Variants in RUVBL2 observed in about 807,000 individuals in gnomAD.
RUVBL2 encodes the protein ruvB-like 2.
RUVBL2 carries 9 observed loss-of-function variants against 57.9 expected under a neutral mutation model. The observed-to-expected ratio is 0.16, with a 90% CI of 0.09 to 0.27. RUVBL2 has a LOEUF of 0.27. Among genes scored for constraint, RUVBL2 ranks in the 10% least tolerant of loss-of-function variants. RUVBL2 has a pLI of 1.00. For missense variants in RUVBL2, 456 were observed against 669.6 expected (o/e 0.68, Z 3.52); for synonymous variants, 278 against 264.6 (o/e 1.05, Z -0.49).
chr19:48,997,822 G>A (rs1276053833), intron 1 of RUVBL2, among the ~76,000 whole-genome samples: 1 of 152,056 alleles, frequency 6.6e-6, no homozygotes, highest in East Asian at 1.9e-4. Flanking sequence ...GGACCTCTGG[G>A]GGGGTCCTGA....
rs896178481 is a variant in RUVBL2 at position 49,009,956 on chromosome 19, C to T, written c.570-17C>T. On this transcript the variant is annotated splice_polypyrimidine_tract_variant and intron_variant, in intron 7 of 14. Coordinates refer to ENST00000595090, the MANE Select transcript of RUVBL2 (RefSeq NM_006666.3). Reference sequence around the variant, plus strand: ...GGGCCCATTCCTTTCCTTACCCTACCCCCCATCCCCCTGTAGGGACGTGAT... The same window carrying T: ...GGGCCCATTCCTTTCCTTACCCTACTCCCCATCCCCCTGTAGGGACGTGAT... The T allele has an allele frequency of 6.2e-7, 1 of 1,607,522 alleles. No individual in the cohort carries two copies. The highest frequency in any genetic ancestry group is 8.5e-7 in the Non-Finnish European group (1 of 1,175,676).
intron 1 of RUVBL2, 97 bp from the exon 2 acceptor site, chr19:48,999,222 A>G: frequency 1.6e-6 from 2 of 1,284,022 alleles, no homozygotes; most frequent in Non-Finnish European, 2.3e-6. Flanking sequence ...CTGTGAGGGG[A>G]AGGAGTGGAA....
In RUVBL2 at chr19:49,011,329, C is replaced by T; in HGVS notation, c.1001+19C>T. On this transcript the variant is annotated intron_variant, in intron 11 of 14. Transcript: ENST00000595090. The surrounding 1 kb of genome is among the most constrained non-coding windows in gnomAD (Gnocchi z 4.4). ...TCACGCGGTGAGCCGGCTACAGGGG[C>T]CTCTGGGGAAAACAGGATGCTCTGG... 1 of 1,596,888 alleles carries T rather than the reference C, an allele frequency of 6.3e-7. No individual in the cohort carries two copies. Among genetic ancestry groups the T allele is most frequent in the Non-Finnish European group, 8.6e-7 (1 of 1,165,310 alleles).
chr19:49,002,569 G>T (rs2122599666), intron 2 of RUVBL2, among the ~76,000 whole-genome samples: 1 of 152,254 alleles, frequency 6.6e-6, no homozygotes, highest in Admixed American at 6.5e-5. Context: ...GGTGATAGCA[G>T]CCAGGGCTCT....
chr19:48,995,238 T>C (rs988173840), intron 1 of RUVBL2, among the ~76,000 whole-genome samples: 3 of 151,866 alleles, frequency 2.0e-5, no homozygotes, highest in Admixed American at 6.6e-5. Flanking sequence ...GAGAGACTTA[T>C]GATGAAAGAG....
chr19:49,010,432 C>T lies in RUVBL2; in HGVS notation c.664-56C>T, dbSNP rs564122390. On this transcript the variant is annotated intron_variant, in intron 8 of 14. Coordinates refer to ENST00000595090, the MANE Select transcript of RUVBL2 (RefSeq NM_006666.3). Reference sequence around the variant, plus strand: ...CCAGACAGAGGGCTTTAGGGGCCCCCTTCATGCCCTTCCCTGCCCTGTCTC... The same window carrying T: ...CCAGACAGAGGGCTTTAGGGGCCCCTTTCATGCCCTTCCCTGCCCTGTCTC... 3 of 1,600,368 alleles carry T rather than the reference C, an allele frequency of 1.9e-6. No homozygotes were observed. In the East Asian group the frequency reaches 6.7e-5, roughly 36 times the overall value.
chr19:48,996,760 C>G (rs1460316179), intron 1 of RUVBL2, among the ~76,000 whole-genome samples: 1 of 152,162 alleles, frequency 6.6e-6, no homozygotes, highest in Non-Finnish European at 1.5e-5. Context: ...CTCCTGACCT[C>G]AAGTGATCCA....
intron 6 of RUVBL2, among the ~76,000 whole-genome samples, chr19:49,008,672 C>G (rs997784038): frequency 5.2e-4 from 79 of 151,990 alleles, no homozygotes; most frequent in African/African-American, 1.8e-3. Flanking sequence ...TGGTGAAACC[C>G]TGTCTATACT....
chr19:48,994,756 A>G (rs1190386100), intron 1 of RUVBL2: 1 of 152,136 alleles, frequency 6.6e-6, no homozygotes, highest in African/African-American at 2.4e-5. Flanking sequence ...CCCCGTCTCT[A>G]TTAAAAATAC....
chr19:48,993,722 C>T (rs1442183313), upstream of RUVBL2: 12 of 693,634 alleles, frequency 1.7e-5, no homozygotes, highest in African/African-American at 2.0e-4. Context: ...CCAGGAGTTC[C>T]GGACGCCCGT....
rs75542068 is a variant in RUVBL2 at position 49,015,654 on chromosome 19, A to G, written c.1334A>G (p.Glu445Gly). The G allele has an allele frequency of 1.9e-6, 3 of 1,613,920 alleles. No homozygotes were observed. The highest frequency in any genetic ancestry group is 2.5e-6 in the Non-Finnish European group (3 of 1,179,836). Residue 445 changes from glutamate (E) to glycine (G), a missense_variant, in exon 14 of 15, where the codon GAG becomes GGG. By Grantham distance (98) the Glu-to-Gly change is moderately conservative. Coordinates refer to ENST00000595090, the MANE Select transcript of RUVBL2 (RefSeq NM_006666.3). ...TCCCGCTCCACGCAGTACATGAAGGAGTACCAGGACGCCTTCCTCTTCAAC... is the reference window on the plus strand; with the variant it reads ...TCCCGCTCCACGCAGTACATGAAGGGGTACCAGGACGCCTTCCTCTTCAAC... ...DESRSTQYMK[E>G]YQDAFLFNEL...
At chr19:49,005,565 G>A (rs1172757986) in intron 4 of RUVBL2, among the ~76,000 whole-genome samples, 1 of 152,152 alleles carries the variant, frequency 6.6e-6, no homozygotes, top group Non-Finnish European at 1.5e-5. Context: ...ACTGGGGACA[G>A]CATGTCCAGG....
chr19:49,007,167 C>T lies in RUVBL2; in HGVS notation c.395+20C>T, dbSNP rs372630418. 93 of 1,612,848 alleles carry T rather than the reference C, an allele frequency of 5.8e-5. No homozygotes were observed. Among genetic ancestry groups the T allele is most frequent in the Middle Eastern group, 1.6e-4 (1 of 6,074 alleles). ...CATCAAGTAAGCGGGGGACCCGAGG[C>T]GGGTGCCAGACCCCAGAGCCTGGGA... is the stretch of plus-strand genomic sequence containing the variant. On this transcript the variant is annotated intron_variant, in intron 5 of 14. Transcript: ENST00000595090.
chr19:49,004,421 A>G lies in RUVBL2; in HGVS notation c.265+3A>G, dbSNP rs2039245642. The G allele has an allele frequency of 6.2e-7, 1 of 1,611,128 alleles. No homozygotes were observed. Among genetic ancestry groups the G allele is most frequent in the Non-Finnish European group, 8.5e-7 (1 of 1,179,310 alleles). ...GGGGAAGACGGCCATCGCCATGGGT[A>G]AGAAACCTCCCAGGGCAGGAACTCT... On this transcript the variant is annotated splice_donor_region_variant and intron_variant, in intron 4 of 14. Transcript: ENST00000595090.
chr19:49,009,913 A>G (rs991863423), intron 7 of RUVBL2, 31 bp downstream of exon 7: 18 of 1,613,056 alleles, frequency 1.1e-5, no homozygotes, highest in Non-Finnish European at 1.4e-5. Context: ...CCAGGCAGCC[A>G]GGGGGATGGG....
intron 11 of RUVBL2, among the ~76,000 whole-genome samples, chr19:49,013,687 G>T (rs2039481202): frequency 6.6e-6 from 1 of 152,162 alleles, no homozygotes; most frequent in African/African-American, 2.4e-5. Flanking sequence ...GGCCGAGGTG[G>T]GTGGATCACG....
chr19:48,995,191 C>T (rs1276163965), intron 1 of RUVBL2, among the ~76,000 whole-genome samples: 1 of 151,898 alleles, frequency 6.6e-6, no homozygotes, highest in African/African-American at 2.4e-5. Context: ...TTGAAATGAC[C>T]TTGGTTTTCA....
upstream of RUVBL2, chr19:48,993,878 G>C (rs773916626): frequency 5.1e-5 from 83 of 1,613,944 alleles, no homozygotes; most frequent in East Asian, 1.3e-3. Context: ...GCGCGTTTCC[G>C]TTTCCGCTAG....
chr19:49,007,172 G>A (rs747842415), intron 5 of RUVBL2, 25 bp downstream of exon 5: 2 of 1,612,654 alleles, frequency 1.2e-6, no homozygotes, highest in South Asian at 2.2e-5. Context: ...CGAGGCGGGT[G>A]CCAGACCCCA....
Sources: allele counts gnomAD v4.1 joint callset (sites outside exome capture counted in the v4.1 genomes callset), GRCh38; gene constraint gnomAD v4.1.1; non-coding constraint Gnocchi (gnomAD v3.1); transcripts MANE v1.5; gene names NCBI Gene and HGNC (gene_info 2026-07-23, HGNC 2026-07-21).